NFKBIB: variants seen among roughly 807,000 people sequenced by gnomAD.
The protein encoded by NFKBIB is NF-kappa-B inhibitor beta.
Under a neutral mutation model 32.1 loss-of-function variants are expected in NFKBIB, and 16 were observed. That is an observed-to-expected ratio of 0.50 (90% confidence interval 0.34 to 0.76). NFKBIB has a LOEUF of 0.76. Ranked by LOEUF, NFKBIB falls within the 30% of genes least tolerant of loss-of-function variation. NFKBIB has a pLI of 0.01. For synonymous variants in NFKBIB, 222 were observed against 219.5 expected (o/e 1.01, Z -0.10); for missense variants, 437 against 514.9 (o/e 0.85, Z 1.46).
In NFKBIB at chr19:38,905,453, G is replaced by A. The variant is rs1169565666; in HGVS notation, c.537G>A (p.Leu179=). Residue 179 remains leucine, a synonymous_variant, in exon 3 of 6, where the codon TTG becomes TTA. Transcript: ENST00000313582. The surrounding 1 kb of genome is among the most constrained non-coding windows in gnomAD (Gnocchi z 5.5). ...ACACCAACCATACCCCTGTCGCCTTGTACCCCGATTCCGACTTGGAGAAGG... is the reference window on the plus strand; with the variant it reads ...ACACCAACCATACCCCTGTCGCCTTATACCCCGATTCCGACTTGGAGAAGG... ...TPDTNHTPVA[L]YPDSDLEKEE... 2.5e-6 allele frequency: 4 copies of A among 1,613,880 alleles called. No individual in the cohort carries two copies. Among genetic ancestry groups the A allele is most frequent in the Non-Finnish European group, 3.4e-6 (4 of 1,179,992 alleles).
chr19:38,907,028 A>AT (rs1974148289), intron 3 of NFKBIB, among the ~76,000 whole-genome samples, 193 bp from the exon 4 acceptor site: 1 of 152,216 alleles, frequency 6.6e-6, no homozygotes, highest in Non-Finnish European at 1.5e-5. Flanking sequence ...AGGCACTAGC[A>AT]CTTGCCAGCA....
intron 1 of NFKBIB, among the ~76,000 whole-genome samples, chr19:38,903,488 G>A (rs55926107): frequency 1.3e-5 from 2 of 151,860 alleles, no homozygotes; most frequent in Non-Finnish European, 2.9e-5. Context: ...GGGTCTCATC[G>A]TGTTGGCCAG....
intron 3 of NFKBIB, among the ~76,000 whole-genome samples, chr19:38,906,187 T>C (rs1974112269): frequency 6.7e-6 from 1 of 148,304 alleles, no homozygotes. Context: ...CAGGTTGGAG[T>C]TCAGTGGCGT....
In NFKBIB at chr19:38,905,935, G is replaced by C. The variant is rs1329288922; in HGVS notation, c.619+400G>C. Among the ~76,000 whole-genome samples the C allele has an allele frequency of 1.3e-5, 2 of 152,078 alleles. No homozygotes were observed. Among genetic ancestry groups the C allele is most frequent in the African/African-American group, 2.4e-5 (1 of 41,384 alleles). On this transcript the variant is annotated intron_variant, in intron 3 of 5. Transcript: ENST00000313582. This position sits in a 1 kb window ranked among gnomAD's most constrained non-coding sequence, Gnocchi z 5.5. ...TCCCAGCAATGGGCAGCAGGGTTCAGAGACAGCCCTCCTCAGCCTCATGGG... is the reference window on the plus strand; with the variant it reads ...TCCCAGCAATGGGCAGCAGGGTTCACAGACAGCCCTCCTCAGCCTCATGGG...
chr19:38,905,465 C>T lies in NFKBIB; in HGVS notation c.549C>T (p.Ser183=), dbSNP rs776947131. ...NHTPVALYPD[S]DLEKEEEESE... ...CCCCTGTCGCCTTGTACCCCGATTC[C>T]GACTTGGAGAAGGAAGAAGAGGAGA... The change falls in exon 3 of 6, where the codon TCC becomes TCT. Residue 183 remains serine, a synonymous_variant. Coordinates refer to ENST00000313582, the MANE Select transcript of NFKBIB (RefSeq NM_002503.5). The surrounding 1 kb of genome is among the most constrained non-coding windows in gnomAD (Gnocchi z 5.5). 11 of 1,613,826 alleles carry T rather than the reference C, an allele frequency of 6.8e-6. No individual in the cohort carries two copies. Among genetic ancestry groups the T allele is most frequent in the African/African-American group, 2.7e-5 (2 of 74,890 alleles).
At chr19:38,906,131 CTTTTTTTTTT>C (rs11300670) in intron 3 of NFKBIB, among the ~76,000 whole-genome samples, 1 of 97,350 alleles carries the variant, frequency 1.0e-5, no homozygotes, top group Non-Finnish European at 1.9e-5. Flanking sequence ...TACTTGGTAC[CTTTTTTTTTT>C]TTTTTTTTTT....
At chr19:38,903,489 T>C (rs1258249980) in intron 1 of NFKBIB, among the ~76,000 whole-genome samples, 3 of 152,032 alleles carry the variant, frequency 2.0e-5, no homozygotes, top group Non-Finnish European at 2.9e-5. Flanking sequence ...GGTCTCATCG[T>C]GTTGGCCAGG....
rs557877860 is a variant in NFKBIB at position 38,907,074 on chromosome 19, G to C, written c.620-147G>C. 23 of 712,284 alleles carry C rather than the reference G, an allele frequency of 3.2e-5. No individual in the cohort carries two copies. The African/African-American group carries it at 3.7e-4, about 11-fold the overall frequency. 44.1% of individuals were successfully genotyped at this position (712,284 alleles called of 1,614,324 possible). On this transcript the variant is annotated intron_variant, in intron 3 of 5. Transcript: ENST00000313582. ...ATCTGAGATAGGCATTTGGTACCCAGGTACCTCTTTGCCATACCCAAGAAT... is the reference window on the plus strand; with the variant it reads ...ATCTGAGATAGGCATTTGGTACCCACGTACCTCTTTGCCATACCCAAGAAT...
chr19:38,907,200 C>T lies in NFKBIB; in HGVS notation c.620-21C>T, dbSNP rs191691809. The T allele has an allele frequency of 2.2e-4, 352 of 1,593,716 alleles. No homozygotes were observed. The African/African-American group carries it at 3.7e-3, about 17-fold the overall frequency. Reference sequence around the variant, plus strand: ...GGGGGGCCCTCACCTCATCATCTGACGCCAATCACTCTGTCCCCAGGCCAC... The same window carrying T: ...GGGGGGCCCTCACCTCATCATCTGATGCCAATCACTCTGTCCCCAGGCCAC... On this transcript the variant is annotated intron_variant, in intron 3 of 5. Transcript: ENST00000313582.
At chr19:38,899,739 G>A (rs1973873906), upstream of NFKBIB, 1 of 744,828 alleles carries the variant, frequency 1.3e-6, no homozygotes. Context: ...GCCCCAGTTA[G>A]GTAAGAAAGC....
At chr19:38,900,537 A>G (rs923601376) in intron 1 of NFKBIB, among the ~76,000 whole-genome samples, 2 of 152,162 alleles carry the variant, frequency 1.3e-5, no homozygotes, top group South Asian at 2.1e-4. Flanking sequence ...TCTAACCTCC[A>G]AATATGATCT....
upstream of NFKBIB, chr19:38,899,721 C>G (rs1344040479): frequency 2.6e-6 from 2 of 780,032 alleles, no homozygotes; most frequent in Non-Finnish European, 4.3e-6. Context: ...TCGTACAACA[C>G]CCAGAGCGCC....
chr19:38,902,175 G>A (rs1317375209), intron 1 of NFKBIB, among the ~76,000 whole-genome samples: 1 of 141,654 alleles, frequency 7.1e-6, no homozygotes, highest in African/African-American at 2.6e-5. Flanking sequence ...CCGCCTCCCA[G>A]GTTCATGCCA....
At chr19:38,906,468 T>G (rs924424893) in intron 3 of NFKBIB, among the ~76,000 whole-genome samples, 1 of 21,726 alleles carries the variant, frequency 4.6e-5, no homozygotes, top group South Asian at 2.7e-3. Flanking sequence ...AATTTAAGGT[T>G]TTTTTTTTTT....
In NFKBIB at chr19:38,900,386, G is replaced by GC. The variant is rs1416998398; in HGVS notation, c.179+176dup. Among the ~76,000 whole-genome samples, 5 of 152,130 alleles carry GC rather than the reference G, an allele frequency of 3.3e-5. No homozygotes were observed. In the South Asian group the frequency reaches 1.0e-3, roughly 31 times the overall value. ...TTTAACAAAACCAATCTTCTATCTA[G>GC]CTATGATCCTAACCCAATCATTTCT... On this transcript the variant is annotated intron_variant, in intron 1 of 5. Coordinates refer to ENST00000313582, the MANE Select transcript of NFKBIB (RefSeq NM_002503.5).
At position 38,904,069 on chromosome 19, in the gene NFKBIB, CAAA is replaced by C. The variant is rs1373143862; in HGVS notation, c.180-942_180-940del. Among the ~76,000 whole-genome samples, 7 of 151,504 alleles carry C rather than the reference CAAA, an allele frequency of 4.6e-5. No homozygotes were observed. The East Asian group carries it at 1.2e-3, about 25-fold the overall frequency. Reference sequence around the variant, plus strand: ...TGGGCGACAGGGCAAGACTCTCTCTCAAAAAATAAAAATTAAAATAAATAAATA... The same window carrying C: ...TGGGCGACAGGGCAAGACTCTCTCTCAAATAAAAATTAAAATAAATAAATA... On this transcript the variant is annotated intron_variant, in intron 1 of 5. Transcript: ENST00000313582.
intron 3 of NFKBIB, among the ~76,000 whole-genome samples, chr19:38,906,700 A>G (rs1974134584): frequency 6.9e-6 from 1 of 145,678 alleles, no homozygotes; most frequent in Non-Finnish European, 1.5e-5. Flanking sequence ...CGATCTCCTG[A>G]CCTCGTGATC....
chr19:38,900,007 G>T lies in NFKBIB; in HGVS notation c.-26G>T, dbSNP rs1248287372. The T allele has an allele frequency of 7.6e-6, 11 of 1,444,786 alleles. No homozygotes were observed. The highest frequency in any genetic ancestry group is 2.5e-5 in the East Asian group (1 of 39,514). The allele number at this position is 1,444,786 out of a possible 1,614,324, so 89.5% of individuals were successfully genotyped here. A position where few individuals can be genotyped will look rare whatever the true frequency, so the allele number is the denominator to read the frequency against. On this transcript the variant is annotated 5_prime_UTR_variant, in exon 1 of 6. Coordinates refer to ENST00000313582, the MANE Select transcript of NFKBIB (RefSeq NM_002503.5). ...AGCCCAGCTACAGGCGGGCGACTGC[G>T]GGGGGCCCCTGAGGCGGCGGGGGCC...
chr19:38,905,438 T>C lies in NFKBIB; in HGVS notation c.522T>C (p.His174=), dbSNP rs374441253. ...CTGACCGTACTCCCGACACCAACCATACCCCTGTCGCCTTGTACCCCGATT... is the reference window on the plus strand; with the variant it reads ...CTGACCGTACTCCCGACACCAACCACACCCCTGTCGCCTTGTACCCCGATT... ...QGPDRTPDTN[H]TPVALYPDSD... is the part of the protein sequence containing the mutation. Residue 174 remains histidine, a synonymous_variant, in exon 3 of 6, where the codon CAT becomes CAC. Coordinates refer to ENST00000313582, the MANE Select transcript of NFKBIB (RefSeq NM_002503.5). The surrounding 1 kb of genome is among the most constrained non-coding windows in gnomAD (Gnocchi z 5.5). 6.2e-7 allele frequency: 1 copy of C among 1,613,506 alleles called. No individual in the cohort carries two copies. Among genetic ancestry groups the C allele is most frequent in the Non-Finnish European group, 8.5e-7 (1 of 1,179,830 alleles).
Sources: allele counts gnomAD v4.1 joint callset (sites outside exome capture counted in the v4.1 genomes callset), GRCh38; gene constraint gnomAD v4.1.1; non-coding constraint Gnocchi (gnomAD v3.1); transcripts MANE v1.5; gene names NCBI Gene and HGNC (gene_info 2026-07-23, HGNC 2026-07-21).